Variants in MUSK observed in about 807,000 individuals in gnomAD.
MUSK encodes the protein muscle associated receptor tyrosine kinase.
A neutral mutation model predicts 88.7 loss-of-function variants in MUSK; 55 were observed. That is an observed-to-expected ratio of 0.62 (90% confidence interval 0.50 to 0.78). The LOEUF (loss-of-function observed/expected upper bound fraction) is 0.78. Among genes scored for constraint, MUSK ranks in the 30% least tolerant of loss-of-function variants. The probability of loss-of-function intolerance (pLI) is 0.00; values close to 1 mark genes in which losing one functional copy is unlikely to be tolerated. For missense variants in MUSK, 1,015 were observed against 1,074.3 expected (o/e 0.94, Z 0.77); for synonymous variants, 387 against 391.9 (o/e 0.99, Z 0.15).
intron 5 of MUSK, among the ~76,000 whole-genome samples, chr9:110,720,535 A>T (rs1380691214): frequency 1.3e-5 from 2 of 152,110 alleles, no homozygotes; most frequent in African/African-American, 4.8e-5. Context: ...CTCCTAGATT[A>T]AACCAGGAAG....
chr9:110,723,596 T>C (rs1186258644), intron 5 of MUSK, among the ~76,000 whole-genome samples: 2 of 151,986 alleles, frequency 1.3e-5, no homozygotes, highest in Admixed American at 6.6e-5. Flanking sequence ...AATGTCAAAT[T>C]GTTTGTATTA....
chr9:110,707,037 A>AAGAGAG (rs139192477), intron 5 of MUSK, among the ~76,000 whole-genome samples: 2 of 148,160 alleles, frequency 1.3e-5, no homozygotes, highest in South Asian at 2.1e-4. Context: ...GAAACAAATA[A>AAGAGAG]AGAGAGAGAG....
At chr9:110,751,638 G>A (rs1324083187) in intron 7 of MUSK, among the ~76,000 whole-genome samples, 2 of 152,176 alleles carry the variant, frequency 1.3e-5, no homozygotes, top group East Asian at 1.9e-4. Context: ...ATGGCAGTGC[G>A]ATGGAGGTCA....
At chr9:110,697,298 T>C (rs2076443856) in intron 4 of MUSK, 27 bp from the exon 5 acceptor site, 2 of 1,612,092 alleles carry the variant, frequency 1.2e-6, no homozygotes, top group Non-Finnish European at 1.7e-6. Context: ...ATAAACATTT[T>C]TGAATTCACG....
intron 10 of MUSK, 115 bp downstream of exon 10, chr9:110,776,078 T>C (rs2077667462): frequency 9.0e-7 from 1 of 1,116,034 alleles, no homozygotes; most frequent in Non-Finnish European, 1.3e-6. Context: ...TTTTTTTTTT[T>C]TGAGTTCTGC....
At chr9:110,742,413 G>A (rs1021585845) in intron 6 of MUSK, among the ~76,000 whole-genome samples, 5 of 152,062 alleles carry the variant, frequency 3.3e-5, no homozygotes, top group South Asian at 2.1e-4. Context: ...CCAAGATTGC[G>A]CCACTGCACT....
chr9:110,693,827 A>T (rs1489794239), intron 3 of MUSK, among the ~76,000 whole-genome samples: 3 of 152,110 alleles, frequency 2.0e-5, no homozygotes, highest in African/African-American at 7.2e-5. Context: ...GGCATAGATA[A>T]CACTTTATTT....
chr9:110,714,180 A>G (rs895074644), intron 5 of MUSK, among the ~76,000 whole-genome samples: 3 of 152,280 alleles, frequency 2.0e-5, no homozygotes, highest in South Asian at 2.1e-4. Context: ...CTTCTAATAT[A>G]TTTTCAGAAC....
At chr9:110,761,090 G>A (rs1422381524) in intron 7 of MUSK, among the ~76,000 whole-genome samples, 1 of 152,196 alleles carries the variant, frequency 6.6e-6, no homozygotes, top group Non-Finnish European at 1.5e-5. Flanking sequence ...AAAGCACTTG[G>A]TAAAGAGTGT....
intron 6 of MUSK, among the ~76,000 whole-genome samples, chr9:110,738,682 G>C (rs1458899646): frequency 1.3e-5 from 2 of 152,262 alleles, no homozygotes; most frequent in Non-Finnish European, 2.9e-5. Context: ...ACCCCAGAAG[G>C]GGTGGGTGGG....
At chr9:110,781,517 T>C (rs555022504) in intron 11 of MUSK, among the ~76,000 whole-genome samples, 259 of 152,218 alleles carry the variant, frequency 1.7e-3, no homozygotes, top group South Asian at 4.3e-3. Flanking sequence ...ACCTCGTGAT[T>C]CACCCGCCTT....
In MUSK at chr9:110,725,730, C is replaced by A. The variant is rs148269680; in HGVS notation, c.629-8521C>A. ...GCAGCAACAAAAGTCTGATACTAAT[C>A]CCAGTTTAATTCTAGCCCTAACCTC... is the stretch of plus-strand genomic sequence containing the variant. On this transcript the variant is annotated intron_variant, in intron 5 of 14. Coordinates refer to ENST00000374448, the MANE Select transcript of MUSK (RefSeq NM_005592.4). Among the ~76,000 whole-genome samples the A allele has an allele frequency of 1.9e-4, 29 of 152,038 alleles. No individual in the cohort carries two copies. In the East Asian group the frequency reaches 5.2e-3, roughly 27 times the overall value.
chr9:110,741,300 TAA>T (rs1394195175), intron 6 of MUSK, among the ~76,000 whole-genome samples: 2 of 151,658 alleles, frequency 1.3e-5, no homozygotes, highest in African/African-American at 4.9e-5. Context: ...TAAAAAAAAT[TAA>T]AAGTCTAAAT....
chr9:110,769,404 A>G (rs905260116), intron 9 of MUSK, among the ~76,000 whole-genome samples: 1 of 152,132 alleles, frequency 6.6e-6, no homozygotes, highest in Non-Finnish European at 1.5e-5. Context: ...GTGATCAGGC[A>G]TGTTATCTAA....
At chr9:110,746,977 T>C (rs1448564892) in intron 6 of MUSK, among the ~76,000 whole-genome samples, 1 of 152,224 alleles carries the variant, frequency 6.6e-6, no homozygotes, top group African/African-American at 2.4e-5. Flanking sequence ...TGTAGGACAC[T>C]GAAGACATAT....
rs2077190189 is a variant in MUSK, at chr9:110,747,649, T to C, written c.762T>C (p.Ser254=). 1 of 1,611,896 alleles carries C rather than the reference T, an allele frequency of 6.2e-7. No individual in the cohort carries two copies. Among genetic ancestry groups the C allele is most frequent in the African/African-American group, 1.3e-5 (1 of 74,888 alleles). The change falls in exon 7 of 15, where the codon TCT becomes TCC. Residue 254 remains serine, a synonymous_variant. Transcript: ENST00000374448. ...TTCCTTTACTCTGTCAGGTTTCTTC[T>C]GGGTCCATTCAAGAGAGTGTGAAAG... The part of the protein sequence containing the change: ...TWIENGNAVS[S]GSIQESVKDR...
At chr9:110,688,702 A>G (rs942184694) in intron 3 of MUSK, among the ~76,000 whole-genome samples, 6 of 151,818 alleles carry the variant, frequency 4.0e-5, no homozygotes, top group African/African-American at 1.5e-4. Flanking sequence ...CTTCTAAGTG[A>G]GAACATGCAG....
At chr9:110,742,504 A>T (rs572390603) in intron 6 of MUSK, among the ~76,000 whole-genome samples, 1 of 152,234 alleles carries the variant, frequency 6.6e-6, no homozygotes, top group East Asian at 1.9e-4. Flanking sequence ...AACTTCACTA[A>T]TTTGTCTATG....
intron 5 of MUSK, among the ~76,000 whole-genome samples, chr9:110,730,398 C>T (rs930109932): frequency 1.3e-5 from 2 of 152,080 alleles, no homozygotes; most frequent in African/African-American, 2.4e-5. Context: ...TTTAATGTTC[C>T]TTCTATTAAG....
Sources: gnomAD v4.1 joint callset for allele counts (sites outside exome capture counted in the v4.1 genomes callset) on GRCh38, gnomAD v4.1.1 for gene constraint, MANE v1.5 for transcripts, NCBI Gene and HGNC (gene_info 2026-07-23, HGNC 2026-07-21) for gene names.